Variants in GLI2 observed in about 807,000 individuals in gnomAD.
GLI2 encodes the protein transcription activator GLI2.
In GLI2, 22 loss-of-function variants were observed where a neutral mutation model predicts 78.9. The observed-to-expected ratio is 0.28, with a 90% CI of 0.20 to 0.40. The LOEUF (loss-of-function observed/expected upper bound fraction) is 0.40. GLI2 is among the 10% of genes least tolerant of loss of function. The pLI is 1.00. For synonymous variants in GLI2, 974 were observed against 963.7 expected (o/e 1.01, Z -0.20); for missense variants, 2,097 against 2,213.2 (o/e 0.95, Z 1.05).
rs907487597 is a variant in GLI2 at position 120,972,029 on chromosome 2, G to A, written c.1148G>A (p.Gly383Asp). The A allele has an allele frequency of 1.6e-5, 26 of 1,613,332 alleles. No homozygotes were observed. Among genetic ancestry groups the A allele is most frequent in the Non-Finnish European group, 2.1e-5 (25 of 1,179,988 alleles). ...AGCAAGGTCAAGACCGAGCCTGAGG[G>A]CCTGCGGCCGGCCTCCCCTCTGGCG... Reference protein sequence around the residue: ...KRSKVKTEPEGLRPASPLALT... With the variant: ...KRSKVKTEPEDLRPASPLALT... The change falls in exon 8 of 14, where the codon GGC becomes GAC. Residue 383 changes from glycine to aspartate, a missense_variant. By Grantham distance (94) the Gly-to-Asp change is moderately conservative (BLOSUM62 -1). This residue lies in a region of GLI2 where 578 missense variants were observed against 612.0 expected (regional missense o/e 0.94). Transcript: ENST00000361492.
intron 2 of GLI2, among the ~76,000 whole-genome samples, chr2:120,908,793 T>G (rs570962070): frequency 6.6e-6 from 1 of 152,060 alleles, no homozygotes; most frequent in South Asian, 2.1e-4. Context: ...AGATTCAGGG[T>G]GGGTGGTTTG....
chr2:120,930,055 CAA>C (rs1026688726), intron 3 of GLI2, among the ~76,000 whole-genome samples: 140 of 152,338 alleles, frequency 9.2e-4, no homozygotes, highest in African/African-American at 3.3e-3. Flanking sequence ...AGGCCTGCCT[CAA>C]AGTGCTCCCT....
In GLI2 at chr2:120,761,562, G is replaced by A. The variant is rs977560077; in HGVS notation, c.-31+25277G>A. ...GGGTGTGTGTGCAGAGGTGGAGGGCGTAGTGGGATAGAGAGGGCTAGGAGG... is the reference window on the plus strand; with the variant it reads ...GGGTGTGTGTGCAGAGGTGGAGGGCATAGTGGGATAGAGAGGGCTAGGAGG... On this transcript the variant is annotated intron_variant, in intron 1 of 13. Coordinates refer to ENST00000361492, the MANE Select transcript of GLI2 (RefSeq NM_001374353.1). 3.3e-5 allele frequency among the ~76,000 whole-genome samples: 5 copies of A among 152,156 alleles called. No homozygotes were observed. The East Asian group carries it at 5.8e-4, about 18-fold the overall frequency.
At chr2:120,804,049 C>T (rs958800906) in intron 2 of GLI2, among the ~76,000 whole-genome samples, 37 of 152,200 alleles carry the variant, frequency 2.4e-4, no homozygotes, top group Non-Finnish European at 8.8e-5. Context: ...CTATCTTCTT[C>T]ATTGGCCCTG....
intron 1 of GLI2, among the ~76,000 whole-genome samples, chr2:120,788,068 T>C (rs1684047724): frequency 6.6e-6 from 1 of 152,110 alleles, no homozygotes; most frequent in South Asian, 2.1e-4. Context: ...GCCAGGCCTG[T>C]GTGTGCCAGG....
rs560363939 is a variant in GLI2, at chr2:120,907,868, G to A, written c.149-19493G>A. 3.0e-3 allele frequency among the ~76,000 whole-genome samples: 464 copies of A among 152,350 alleles called. 3 individuals carry two copies. The highest frequency in any genetic ancestry group is 0.011 in the African/African-American group (438 of 41,584). ...GGAACTTGCAGCAGCTTTTGTCATTGTGTGGTACACTGAGTGCTTCCCACC... is the reference window on the plus strand; with the variant it reads ...GGAACTTGCAGCAGCTTTTGTCATTATGTGGTACACTGAGTGCTTCCCACC... On this transcript the variant is annotated intron_variant, in intron 2 of 13. Transcript: ENST00000361492.
At chr2:120,763,609 G>A (rs1225032886) in intron 1 of GLI2, among the ~76,000 whole-genome samples, 2 of 152,196 alleles carry the variant, frequency 1.3e-5, no homozygotes, top group Admixed American at 6.5e-5. Context: ...CAGAAACCCC[G>A]TGTGCTGTGG....
Position 120,799,989 on chromosome 2 carries a change from T to C in GLI2, c.148+2521T>C, listed in dbSNP as rs530578278. ...CTGGTGCTGGGCCTGGCATGAGGGG[T>C]ACCCAAGGGTCTTCTGGGACTGGAA... On this transcript the variant is annotated intron_variant, in intron 2 of 13. Coordinates refer to ENST00000361492, the MANE Select transcript of GLI2 (RefSeq NM_001374353.1). Among the ~76,000 whole-genome samples, 4 of 152,222 alleles carry C rather than the reference T, an allele frequency of 2.6e-5. No individual in the cohort carries two copies. The East Asian group carries it at 7.7e-4, about 29-fold the overall frequency.
At chr2:120,912,285 T>C (rs1245442698) in intron 2 of GLI2, among the ~76,000 whole-genome samples, 10 of 152,004 alleles carry the variant, frequency 6.6e-5, no homozygotes, top group Admixed American at 2.0e-4. Flanking sequence ...TTTTTTTTTT[T>C]TTTTTTGATG....
At chr2:120,811,224 G>A (rs887711185) in intron 2 of GLI2, among the ~76,000 whole-genome samples, 1 of 152,160 alleles carries the variant, frequency 6.6e-6, no homozygotes, top group Non-Finnish European at 1.5e-5. Flanking sequence ...CAGGAGACCC[G>A]GAGAGGCCTG....
At chr2:120,864,491 G>A (rs1048619181) in intron 2 of GLI2, among the ~76,000 whole-genome samples, 2 of 151,606 alleles carry the variant, frequency 1.3e-5, no homozygotes, top group African/African-American at 2.4e-5. Context: ...TTTTTGAGAC[G>A]GAGTCTCGCT....
chr2:120,763,567 C>G (rs1683279666), intron 1 of GLI2, among the ~76,000 whole-genome samples: 1 of 152,224 alleles, frequency 6.6e-6, no homozygotes, highest in Non-Finnish European at 1.5e-5. Flanking sequence ...TCACTGCTGT[C>G]TGGCCCTTGG....
chr2:120,785,559 C>T (rs1347778592), intron 1 of GLI2, among the ~76,000 whole-genome samples: 1 of 152,138 alleles, frequency 6.6e-6, no homozygotes, highest in Admixed American at 6.5e-5. Flanking sequence ...CCCGGTTCTC[C>T]CTGGAGCCTC....
intron 2 of GLI2, among the ~76,000 whole-genome samples, chr2:120,910,647 C>T (rs10177793): frequency 0.053 from 8,129 of 152,174 alleles, 645 homozygotes; most frequent in African/African-American, 0.17. Context: ...GTTGCAGGGG[C>T]GCCAAGCCAC....
chr2:120,925,568 A>G lies in GLI2; in HGVS notation c.149-1793A>G, dbSNP rs1679621862. Among the ~76,000 whole-genome samples, 3 of 152,232 alleles carry G rather than the reference A, an allele frequency of 2.0e-5. No homozygotes were observed. The South Asian group carries it at 6.2e-4, about 32-fold the overall frequency. Reference sequence around the variant, plus strand: ...AGTGAAATAAGCCAGTCTCAAAAGGACAAATACTGTCTGATCTTTCCTGCA... The same window carrying G: ...AGTGAAATAAGCCAGTCTCAAAAGGGCAAATACTGTCTGATCTTTCCTGCA... On this transcript the variant is annotated intron_variant, in intron 2 of 13. Transcript: ENST00000361492.
At chr2:120,862,233 T>G (rs566697123) in intron 2 of GLI2, among the ~76,000 whole-genome samples, 29 of 152,146 alleles carry the variant, frequency 1.9e-4, no homozygotes, top group Non-Finnish European at 3.4e-4. Flanking sequence ...AGACCTGGAA[T>G]GAATGTGGGG....
intron 2 of GLI2, among the ~76,000 whole-genome samples, chr2:120,841,888 T>TGTGTGA (rs768879101): frequency 3.8e-4 from 58 of 150,902 alleles, no homozygotes; most frequent in African/African-American, 1.3e-3. Context: ...TGTGTGTGTG[T>TGTGTGA]GATGCTGGGC....
intron 2 of GLI2, among the ~76,000 whole-genome samples, chr2:120,818,351 T>G (rs1310664541): frequency 6.6e-6 from 1 of 152,210 alleles, no homozygotes; most frequent in African/African-American, 2.4e-5. Context: ...AATCAGCCCC[T>G]GGGAAGGAGT....
At chr2:120,777,070 A>C (rs1286678663) in intron 1 of GLI2, among the ~76,000 whole-genome samples, 1 of 152,172 alleles carries the variant, frequency 6.6e-6, no homozygotes, top group African/African-American at 2.4e-5. Context: ...GTGTGAGTGC[A>C]TGGCTTTTTG....
Sources: gnomAD v4.1 joint callset for allele counts (sites outside exome capture counted in the v4.1 genomes callset) on GRCh38, gnomAD v4.1.1 for gene constraint, gnomAD v4.1.1 regional missense constraint, MANE v1.5 for transcripts, NCBI Gene and HGNC (gene_info 2026-07-23, HGNC 2026-07-21) for gene names.